Variants in MYCBP2 observed in about 807,000 individuals in gnomAD.
MYCBP2 encodes the protein MYC binding protein 2.
Under a neutral mutation model 525.3 loss-of-function variants are expected in MYCBP2, and 120 were observed. The observed-to-expected ratio is 0.23, with a 90% CI of 0.20 to 0.27. The LOEUF (loss-of-function observed/expected upper bound fraction) is 0.27, where lower values mean the gene tolerates loss of function less well. Ranked by LOEUF, MYCBP2 falls within the 10% of genes least tolerant of loss-of-function variation. MYCBP2 has a pLI of 1.00. For missense variants in MYCBP2, 4,149 were observed against 5,657.1 expected (o/e 0.73, Z 8.55); for synonymous variants, 1,894 against 1,955.8 (o/e 0.97, Z 0.83).
intron 4 of MYCBP2, among the ~76,000 whole-genome samples, chr13:77,275,031 T>A (rs2075362228): frequency 6.6e-6 from 1 of 152,130 alleles, no homozygotes; most frequent in Non-Finnish European, 1.5e-5. Flanking sequence ...CTCCAATTAT[T>A]ATCCTTCAGT....
At chr13:77,141,083 A>G (rs2054538477) in intron 49 of MYCBP2, 140 bp from the exon 50 acceptor site, 2 of 601,402 alleles carry the variant, frequency 3.3e-6, no homozygotes, top group East Asian at 3.0e-5. Context: ...GGTGATGGAT[A>G]TTTAATAGGC....
chr13:77,106,639 A>AGAT (rs2047894663), intron 55 of MYCBP2, among the ~76,000 whole-genome samples: 1 of 152,144 alleles, frequency 6.6e-6, no homozygotes, highest in South Asian at 2.1e-4. Context: ...TTAGTTCTCA[A>AGAT]TCTTGAGGAG....
intron 17 of MYCBP2, among the ~76,000 whole-genome samples, chr13:77,234,451 AC>A (rs1485894794): frequency 1.3e-5 from 2 of 151,988 alleles, no homozygotes; most frequent in East Asian, 3.8e-4. Flanking sequence ...ATATCAAAGT[AC>A]CCTTCATTAA....
At chr13:77,299,349 T>C (rs1315309635) in intron 1 of MYCBP2, among the ~76,000 whole-genome samples, 2 of 152,184 alleles carry the variant, frequency 1.3e-5, no homozygotes, top group Non-Finnish European at 2.9e-5. Flanking sequence ...GTTGTAACAA[T>C]TCTTATGAAT....
At chr13:77,295,965 T>G (rs1249785613) in intron 2 of MYCBP2, among the ~76,000 whole-genome samples, 1 of 152,198 alleles carries the variant, frequency 6.6e-6, no homozygotes, top group Non-Finnish European at 1.5e-5. Flanking sequence ...AAGTCCCAGT[T>G]TACAAGCTAA....
chr13:77,054,231 T>C (rs1447150985), intron 80 of MYCBP2, among the ~76,000 whole-genome samples: 1 of 151,998 alleles, frequency 6.6e-6, no homozygotes, highest in African/African-American at 2.4e-5. Flanking sequence ...TGCAATGGCA[T>C]GGGGGTGTCA....
At position 77,121,401 on chromosome 13, in the gene MYCBP2, T is replaced by C; in HGVS notation, c.8112A>G (p.Gly2704=). 1.3e-6 allele frequency: 2 copies of C among 1,592,196 alleles called. No homozygotes were observed. The highest frequency in any genetic ancestry group is 1.7e-6 in the Non-Finnish European group (2 of 1,165,414). The part of the protein sequence containing the change: ...FNKGASCSAQ[G]FDYGLGNSKG... ...TGCTATTTCCGAGTCCATAATCAAA[T>C]CCTTGGGCACTGCAACTTGCCCCTT... is the stretch of plus-strand genomic sequence containing the variant. The change falls in exon 55 of 83, where the codon GGA becomes GGG. Residue 2704 remains glycine, a synonymous_variant. Coordinates refer to ENST00000544440, the MANE Select transcript of MYCBP2 (RefSeq NM_015057.5).
intron 17 of MYCBP2, among the ~76,000 whole-genome samples, chr13:77,233,548 A>G (rs2067438676): frequency 6.6e-6 from 1 of 152,028 alleles, no homozygotes; most frequent in African/African-American, 2.4e-5. Flanking sequence ...ATAGATAATC[A>G]AGAAGTTCAA....
intron 4 of MYCBP2, among the ~76,000 whole-genome samples, chr13:77,278,001 A>G (rs1241227590): frequency 6.6e-6 from 1 of 152,242 alleles, no homozygotes; most frequent in African/African-American, 2.4e-5. Context: ...AGTCTGGGTC[A>G]CTGATATGAA....
intron 55 of MYCBP2, 45 bp from the exon 56 acceptor site, chr13:77,099,058 CTT>C (rs1290996950): frequency 6.3e-7 from 1 of 1,581,918 alleles, no homozygotes; most frequent in African/African-American, 1.4e-5. Context: ...AAAATTATAA[CTT>C]ACTGATAATT....
rs1051852122 is a variant in MYCBP2 at position 77,287,402 on chromosome 13, C to T, written c.594+759G>A. Reference sequence around the variant, plus strand: ...GTTTCACCATGTTGGCCAGGCTGTTCTCAAACTCCTGACCTCAGGTGATCC... The same window carrying T: ...GTTTCACCATGTTGGCCAGGCTGTTTTCAAACTCCTGACCTCAGGTGATCC... On this transcript the variant is annotated intron_variant, in intron 3 of 82. Coordinates refer to ENST00000544440, the MANE Select transcript of MYCBP2 (RefSeq NM_015057.5). Among the ~76,000 whole-genome samples the T allele has an allele frequency of 2.0e-5, 3 of 151,778 alleles. No individual in the cohort carries two copies. In the East Asian group the frequency reaches 5.8e-4, roughly 29 times the overall value.
Position 77,126,361 on chromosome 13 carries a change from A to G in MYCBP2, c.7841T>C (p.Ile2614Thr), listed in dbSNP as rs1178930934. The G allele has an allele frequency of 6.2e-7, 1 of 1,613,860 alleles. No homozygotes were observed. Among genetic ancestry groups the G allele is most frequent in the Non-Finnish European group, 8.5e-7 (1 of 1,179,812 alleles). ...RSCPNLRGIP[I>T]GMLVLGNKVK... ...TTTGTTTCCCAGAACTAACATTCCAATTGGGATACCTCTAAGGTTAGGGCA... is the reference window on the plus strand; with the variant it reads ...TTTGTTTCCCAGAACTAACATTCCAGTTGGGATACCTCTAAGGTTAGGGCA... The change falls in exon 53 of 83, where the codon ATT (isoleucine) becomes ACT (threonine). Residue 2614 changes from isoleucine to threonine, a missense_variant. This residue lies in a region of MYCBP2 where 653 missense variants were observed against 744.7 expected (regional missense o/e 0.88). Coordinates refer to ENST00000544440, the MANE Select transcript of MYCBP2 (RefSeq NM_015057.5).
chr13:77,294,131 C>CATATATATATATATACACAT, intron 2 of MYCBP2, among the ~76,000 whole-genome samples: 6 of 65,692 alleles, frequency 9.1e-5, no homozygotes, highest in African/African-American at 2.7e-4. Flanking sequence ...TATATATATA[C>CATATATATATATATACACAT]ATATATATAT....
At chr13:77,261,086 C>T (rs1594430715) in intron 12 of MYCBP2, 85 bp downstream of exon 12, 2 of 1,082,478 alleles carry the variant, frequency 1.8e-6, no homozygotes, top group Non-Finnish European at 1.3e-6. Flanking sequence ...TATTGAAATT[C>T]ATAAACTTTA....
At chr13:77,287,078 G>A (rs1409144042) in intron 3 of MYCBP2, among the ~76,000 whole-genome samples, 2 of 150,264 alleles carry the variant, frequency 1.3e-5, no homozygotes, top group African/African-American at 2.4e-5. Context: ...TAGTACAGAC[G>A]GGGTTTCACC....
At chr13:77,309,106 T>G (rs2079826143) in intron 1 of MYCBP2, among the ~76,000 whole-genome samples, 1 of 152,202 alleles carries the variant, frequency 6.6e-6, no homozygotes, top group Non-Finnish European at 1.5e-5. Context: ...TCTCCTTCCT[T>G]AAGCTACTGC....
chr13:77,291,979 C>T (rs1009558718), intron 2 of MYCBP2, among the ~76,000 whole-genome samples: 7 of 152,160 alleles, frequency 4.6e-5, no homozygotes, highest in African/African-American at 1.4e-4. Context: ...ATGGACCATG[C>T]CTCCTGGCCT....
At chr13:77,163,193 CTT>C (rs552917362) in intron 43 of MYCBP2, among the ~76,000 whole-genome samples, 56 of 152,244 alleles carry the variant, frequency 3.7e-4, no homozygotes, top group Admixed American at 6.5e-4. Context: ...TCAACATACA[CTT>C]TTTGAGTATT....
chr13:77,056,889 G>A, intron 79 of MYCBP2, 97 bp downstream of exon 79: 1 of 868,952 alleles, frequency 1.2e-6, no homozygotes, highest in Non-Finnish European at 1.9e-6. Flanking sequence ...AGGGGCTGGT[G>A]GGTAAAACCA....
Sources: gnomAD v4.1 joint callset for allele counts (sites outside exome capture counted in the v4.1 genomes callset) on GRCh38, gnomAD v4.1.1 for gene constraint, gnomAD v4.1.1 regional missense constraint, MANE v1.5 for transcripts, NCBI Gene and HGNC (gene_info 2026-07-23, HGNC 2026-07-21) for gene names.